Variants in DCDC1 observed in about 807,000 individuals in gnomAD.
DCDC1 encodes the protein doublecortin domain-containing protein 1.
In DCDC1, 200 loss-of-function variants were observed where a neutral mutation model predicts 178.3. That is an observed-to-expected ratio of 1.12 (90% CI 1.00 to 1.26). DCDC1 has a LOEUF of 1.26. DCDC1 is among the 50% of genes most tolerant of loss of function. DCDC1 has a pLI of 0.00. For synonymous variants in DCDC1, 690 were observed against 604.8 expected (o/e 1.14, Z -2.07); for missense variants, 1,983 against 1,749.2 (o/e 1.13, Z -2.38).
intron 9 of DCDC1, among the ~76,000 whole-genome samples, chr11:31,213,220 G>A (rs984144459): frequency 7.0e-6 from 1 of 143,512 alleles, no homozygotes; most frequent in African/African-American, 2.6e-5. Flanking sequence ...TGGCTCTTCA[G>A]TCACTTCACC....
chr11:31,146,003 C>T (rs79247372), intron 9 of DCDC1, among the ~76,000 whole-genome samples: 1,933 of 151,888 alleles, frequency 0.013, 26 homozygotes, highest in South Asian at 0.026. Context: ...TTCCTGAGCT[C>T]TCACCCACTG....
intron 12 of DCDC1, among the ~76,000 whole-genome samples, chr11:31,108,395 T>G (rs1049552154): frequency 6.6e-6 from 1 of 152,220 alleles, no homozygotes; most frequent in Non-Finnish European, 1.5e-5. Context: ...TATTTTGAAA[T>G]CTATAGATTG....
chr11:31,222,552 T>C (rs1974391020), intron 9 of DCDC1, among the ~76,000 whole-genome samples: 1 of 152,212 alleles, frequency 6.6e-6, no homozygotes. Context: ...AAATCTGTCT[T>C]AGTCAGCTCA....
At chr11:31,056,913 T>A (rs1460747238) in intron 20 of DCDC1, among the ~76,000 whole-genome samples, 1 of 152,154 alleles carries the variant, frequency 6.6e-6, no homozygotes, top group African/African-American at 2.4e-5. Flanking sequence ...AATGTGTATA[T>A]GGTAGATGGG....
At chr11:31,151,540 A>C (rs1965169617) in intron 9 of DCDC1, among the ~76,000 whole-genome samples, 1 of 152,184 alleles carries the variant, frequency 6.6e-6, no homozygotes, top group African/African-American at 2.4e-5. Context: ...ACAGCACCCA[A>C]TGTCATTATT....
intron 20 of DCDC1, among the ~76,000 whole-genome samples, chr11:31,017,641 A>G (rs1178256003): frequency 6.6e-6 from 1 of 151,196 alleles, no homozygotes; most frequent in Admixed American, 6.6e-5. Flanking sequence ...GTGCAGTGGC[A>G]GAATCACAGC....
chr11:31,044,137 G>A (rs1207220388), intron 20 of DCDC1, among the ~76,000 whole-genome samples: 2 of 152,044 alleles, frequency 1.3e-5, no homozygotes, highest in African/African-American at 2.4e-5. Flanking sequence ...TTTAAACACA[G>A]CGAGTTTTCA....
chr11:30,915,486 G>A (rs775287218), intron 27 of DCDC1, 25 bp downstream of exon 27: 1 of 1,613,268 alleles, frequency 6.2e-7, no homozygotes, highest in Non-Finnish European at 8.5e-7. Context: ...TTTTGATATA[G>A]TAAACCCAAA....
intron 7 of DCDC1, among the ~76,000 whole-genome samples, chr11:31,281,889 A>G (rs1449694575): frequency 6.6e-6 from 1 of 152,138 alleles, no homozygotes; most frequent in Non-Finnish European, 1.5e-5. Context: ...TAAATTGCCC[A>G]GTCTCAGGTA....
At chr11:31,343,229 G>T (rs1359811377) in intron 1 of DCDC1, among the ~76,000 whole-genome samples, 1 of 152,176 alleles carries the variant, frequency 6.6e-6, no homozygotes, top group Non-Finnish European at 1.5e-5. Flanking sequence ...GAGGCGAGAG[G>T]ATCACTTGAG....
chr11:30,986,712 C>G (rs1393616495), intron 20 of DCDC1, among the ~76,000 whole-genome samples: 2 of 151,972 alleles, frequency 1.3e-5, no homozygotes, highest in African/African-American at 4.8e-5. Context: ...TAACCTGTTT[C>G]CACCCTTAAT....
chr11:31,018,971 G>T (rs1408795164), intron 20 of DCDC1, among the ~76,000 whole-genome samples: 1 of 152,094 alleles, frequency 6.6e-6, no homozygotes, highest in Non-Finnish European at 1.5e-5. Context: ...TGGGAATGGG[G>T]GCGAAAGATG....
At chr11:31,300,836 G>A (rs6484499) in intron 6 of DCDC1, among the ~76,000 whole-genome samples, 38,614 of 151,970 alleles carry the variant, frequency 0.25, 4,973 homozygotes, top group East Asian at 0.3. Flanking sequence ...GCAAGCATCT[G>A]TACAGTAAAC....
chr11:30,899,951 A>AT (rs1249880209), intron 33 of DCDC1, among the ~76,000 whole-genome samples: 1 of 152,130 alleles, frequency 6.6e-6, no homozygotes, highest in Non-Finnish European at 1.5e-5. Context: ...GGAACCATTC[A>AT]TTTTTTAAAC....
At chr11:30,911,865 C>A (rs1040978894) in intron 27 of DCDC1, among the ~76,000 whole-genome samples, 1 of 152,248 alleles carries the variant, frequency 6.6e-6, no homozygotes, top group East Asian at 1.9e-4. Flanking sequence ...AGACTGCACC[C>A]CCCTATATGT....
chr11:31,154,846 C>A (rs959425493), intron 9 of DCDC1, among the ~76,000 whole-genome samples: 1 of 152,164 alleles, frequency 6.6e-6, no homozygotes, highest in Non-Finnish European at 1.5e-5. Flanking sequence ...CTCTCTGGAG[C>A]GCGAGTGTCC....
intron 1 of DCDC1, among the ~76,000 whole-genome samples, chr11:31,353,927 A>G (rs1237603944): frequency 1.3e-5 from 2 of 152,220 alleles, no homozygotes; most frequent in African/African-American, 2.4e-5. Context: ...GTACATTGTA[A>G]GATTTTTCTT....
chr11:31,065,908 T>A (rs1956224031), intron 18 of DCDC1, among the ~76,000 whole-genome samples: 1 of 152,138 alleles, frequency 6.6e-6, no homozygotes, highest in South Asian at 2.1e-4. Context: ...GGAACAAGTG[T>A]GTGTCATTGT....
intron 20 of DCDC1, among the ~76,000 whole-genome samples, chr11:31,033,800 C>T (rs1050734619): frequency 2.0e-5 from 3 of 151,950 alleles, no homozygotes; most frequent in South Asian, 2.1e-4. Flanking sequence ...TAGGCCTAGG[C>T]TAATGTGTGT....
Sources: allele counts gnomAD v4.1 joint callset (sites outside exome capture counted in the v4.1 genomes callset), GRCh38; gene constraint gnomAD v4.1.1; transcripts MANE v1.5; gene names NCBI Gene and HGNC (gene_info 2026-07-23, HGNC 2026-07-21).